The following KIF16B variants were observed in gnomAD, a reference collection of about 807,000 sequenced individuals.
KIF16B encodes kinesin family member 16B.
Under a neutral mutation model 156.3 loss-of-function variants are expected in KIF16B, and 98 were observed. The observed-to-expected ratio is 0.63, with a 90% CI of 0.53 to 0.74. The LOEUF (loss-of-function observed/expected upper bound fraction) is 0.74. Ranked by LOEUF, KIF16B falls within the 30% of genes least tolerant of loss-of-function variation. The pLI, the probability that KIF16B is intolerant of heterozygous loss-of-function variation, is 0.00. For missense variants in KIF16B, 1,421 were observed against 1,606.5 expected, an observed-to-expected ratio of 0.88 and a Z score of 1.97; for synonymous variants, 564 against 583.7, an observed-to-expected ratio of 0.97 and a Z score of 0.49.
intron 12 of KIF16B, among the ~76,000 whole-genome samples, chr20:16,451,751 T>C (rs1196741543): frequency 2.0e-5 from 3 of 151,776 alleles, no homozygotes; most frequent in African/African-American, 7.2e-5. Flanking sequence ...TTCCTGGTAT[T>C]TGTAGAAATA....
chr20:16,491,177 G>A (rs1000474848), intron 12 of KIF16B, among the ~76,000 whole-genome samples: 1 of 152,116 alleles, frequency 6.6e-6, no homozygotes, highest in Non-Finnish European at 1.5e-5. Context: ...GAATGAAGGA[G>A]TAACACAGGC....
At chr20:16,531,572 G>A (rs1176195457) in intron 1 of KIF16B, among the ~76,000 whole-genome samples, 1 of 152,138 alleles carries the variant, frequency 6.6e-6, no homozygotes, top group Non-Finnish European at 1.5e-5. Context: ...CTGACCTAGA[G>A]CTGCCCTATA....
chr20:16,438,401 T>C (rs557828627), intron 12 of KIF16B, among the ~76,000 whole-genome samples: 1 of 152,302 alleles, frequency 6.6e-6, no homozygotes, highest in African/African-American at 2.4e-5. Flanking sequence ...ATCATTGCTC[T>C]ATTATTAGTT....
At chr20:16,364,446 G>A (rs1348437969) in intron 22 of KIF16B, among the ~76,000 whole-genome samples, 2 of 152,134 alleles carry the variant, frequency 1.3e-5, no homozygotes, top group East Asian at 1.9e-4. Flanking sequence ...CATTACAGCC[G>A]AGATGTCGTT....
At chr20:16,414,690 C>T (rs1307001911) in intron 15 of KIF16B, among the ~76,000 whole-genome samples, 2 of 152,104 alleles carry the variant, frequency 1.3e-5, no homozygotes, top group Admixed American at 6.6e-5. Flanking sequence ...TTTCGAGATG[C>T]TCCAGTCCCA....
chr20:16,285,953 C>T (rs6080203), intron 25 of KIF16B, among the ~76,000 whole-genome samples: 61,489 of 152,110 alleles, frequency 0.4, 12,466 homozygotes, highest in Non-Finnish European at 0.43. Flanking sequence ...TAACAACTTA[C>T]ACTAAAGACC....
At chr20:16,470,237 TC>T (rs1341385711) in intron 12 of KIF16B, among the ~76,000 whole-genome samples, 1 of 152,124 alleles carries the variant, frequency 6.6e-6, no homozygotes, top group African/African-American at 2.4e-5. Context: ...GTGAAACTAT[TC>T]TTTATGATGT....
At chr20:16,312,131 C>T (rs914200310) in intron 25 of KIF16B, among the ~76,000 whole-genome samples, 2 of 152,120 alleles carry the variant, frequency 1.3e-5, no homozygotes, top group Admixed American at 6.5e-5. Context: ...AAAAATGTTC[C>T]GCTAGACCAG....
chr20:16,494,445 C>T (rs1321249065), intron 11 of KIF16B, 95 bp from the exon 12 acceptor site: 2 of 738,324 alleles, frequency 2.7e-6, no homozygotes, highest in Non-Finnish European at 4.4e-6. Flanking sequence ...GAAAGATGTA[C>T]TATAATTTTT....
intron 24 of KIF16B, among the ~76,000 whole-genome samples, chr20:16,321,677 CT>C (rs1403179372): frequency 2.0e-5 from 3 of 152,002 alleles, no homozygotes; most frequent in African/African-American, 7.2e-5. Context: ...TCACAGTATT[CT>C]CATTTGAAGT....
intron 17 of KIF16B, among the ~76,000 whole-genome samples, chr20:16,397,196 G>A (rs1232539779): frequency 6.6e-6 from 1 of 152,204 alleles, no homozygotes; most frequent in Non-Finnish European, 1.5e-5. Context: ...CACCAGCTGA[G>A]GAGGAATGTT....
intron 25 of KIF16B, among the ~76,000 whole-genome samples, chr20:16,285,382 A>G (rs1279385271): frequency 2.0e-5 from 3 of 152,244 alleles, no homozygotes; most frequent in Non-Finnish European, 2.9e-5. Context: ...GCATGTGTAC[A>G]TGTCTTCGCT....
At chr20:16,277,159 G>A (rs6111007) in intron 25 of KIF16B, among the ~76,000 whole-genome samples, 17,296 of 152,218 alleles carry the variant, frequency 0.11, 1,076 homozygotes, top group African/African-American at 0.14. Flanking sequence ...GCTTAATGCC[G>A]TGTCTGTGAG....
At chr20:16,299,772 C>T (rs982422991) in intron 25 of KIF16B, among the ~76,000 whole-genome samples, 1 of 152,142 alleles carries the variant, frequency 6.6e-6, no homozygotes, top group African/African-American at 2.4e-5. Flanking sequence ...TTCTGTCTGA[C>T]AGAACTAAGG....
At chr20:16,296,235 A>G (rs982204766) in intron 25 of KIF16B, among the ~76,000 whole-genome samples, 1 of 152,218 alleles carries the variant, frequency 6.6e-6, no homozygotes, top group African/African-American at 2.4e-5. Flanking sequence ...GCAACAGAGG[A>G]GTGAGTTTAT....
At chr20:16,436,995 C>A (rs2066657334) in intron 12 of KIF16B, among the ~76,000 whole-genome samples, 2 of 152,186 alleles carry the variant, frequency 1.3e-5, no homozygotes, top group South Asian at 4.1e-4. Flanking sequence ...TCAAGTCTCT[C>A]ACGTAAAATG....
chr20:16,379,750 A>G lies in KIF16B; in HGVS notation c.2252T>C (p.Leu751Pro). 6.2e-7 allele frequency: 1 copy of G among 1,613,750 alleles called. No individual in the cohort carries two copies. The highest frequency in any genetic ancestry group is 8.5e-7 in the Non-Finnish European group (1 of 1,179,960). ...GACCTGCTCCTTCTCCTGCTCCTCT[A>G]GTCTCTTTTTTTCCAGTTCAAGCTT... ...YAKLELEKKR[L>P]EEQEKEQVML... is the part of the protein sequence containing the mutation. Residue 751 changes from leucine to proline, a missense_variant, in exon 19 of 26, where the codon CTA becomes CCA. Leu to Pro is a moderately conservative substitution (Grantham distance 98). Coordinates refer to ENST00000354981, the MANE Select transcript of KIF16B (RefSeq NM_024704.5).
In KIF16B at chr20:16,278,171, A is replaced by T. The variant is rs550998018; in HGVS notation, c.3796-4760T>A. 2.3e-3 allele frequency among the ~76,000 whole-genome samples: 349 copies of T among 152,288 alleles called. 5 individuals are homozygous for T. Among genetic ancestry groups the T allele is most frequent in the Non-Finnish European group, 3.2e-3 (216 of 68,030 alleles). On this transcript the variant is annotated intron_variant, in intron 25 of 25. Coordinates refer to ENST00000354981, the MANE Select transcript of KIF16B (RefSeq NM_024704.5). ...AGTGAGTGATCATGGGAAAGAGAAGAGGCCGAGAGAGACAGGGGGCCACAG... is the reference window on the plus strand; with the variant it reads ...AGTGAGTGATCATGGGAAAGAGAAGTGGCCGAGAGAGACAGGGGGCCACAG...
intron 6 of KIF16B, among the ~76,000 whole-genome samples, chr20:16,509,932 C>T (rs971061095): frequency 6.6e-6 from 1 of 152,008 alleles, no homozygotes; most frequent in African/African-American, 2.4e-5. Flanking sequence ...AAAAATTAAC[C>T]CACGGATTTT....
Sources: gnomAD v4.1 joint callset for allele counts (sites outside exome capture counted in the v4.1 genomes callset) on GRCh38, gnomAD v4.1.1 for gene constraint, MANE v1.5 for transcripts, NCBI Gene and HGNC (gene_info 2026-07-23, HGNC 2026-07-21) for gene names.